The following NCR3LG1 variants were observed in gnomAD, a reference collection of about 807,000 sequenced individuals.
NCR3LG1 encodes natural killer cell cytotoxicity receptor 3 ligand 1, also known as natural cytotoxicity triggering receptor 3 ligand 1.
NCR3LG1 carries 35 observed loss-of-function variants against 34.8 expected under a neutral mutation model. The observed-to-expected ratio is 1.01, with a 90% confidence interval of 0.77 to 1.33. The LOEUF (loss-of-function observed/expected upper bound fraction) is 1.33. Among genes scored for constraint, NCR3LG1 ranks in the 40% most tolerant of loss-of-function variants. The pLI is 0.00. For missense variants in NCR3LG1, 452 were observed against 423.3 expected (o/e 1.07, Z -0.60); for synonymous variants, 173 against 163.6 (o/e 1.06, Z -0.44).
In NCR3LG1 at chr11:17,375,046, G is replaced by C. The variant is rs1591689331; in HGVS notation, c.*2534G>C. 6.6e-6 allele frequency: 1 copy of C among 152,208 alleles called. No individual in the cohort carries two copies. The highest frequency in any genetic ancestry group is 1.5e-5 in the Non-Finnish European group (1 of 68,030). 9.4% of individuals were successfully genotyped at this position (152,208 alleles called of 1,614,324 possible). On this transcript the variant is annotated 3_prime_UTR_variant, in exon 5 of 5. Transcript: ENST00000338965. ...TCTGAGCAGTTACAGTAGTGGCCCT[G>C]CTAGTCCCAGAGGCCACCAAGTTAA...
Position 17,376,639 on chromosome 11 carries a change from A to G in NCR3LG1, c.*4127A>G, listed in dbSNP as rs1281774567. On this transcript the variant is annotated 3_prime_UTR_variant, in exon 5 of 5. Transcript: ENST00000338965. ...GGTATGGGAACACTTTCAACTGAGT[A>G]ACTAACTCCTCCCAGGAAAGCATTT... is the stretch of plus-strand genomic sequence containing the variant. 1 of 152,198 alleles carries G rather than the reference A, an allele frequency of 6.6e-6. No individual in the cohort carries two copies. The highest frequency in any genetic ancestry group is 2.4e-5 in the African/African-American group (1 of 41,444). 9.4% of individuals were successfully genotyped at this position (152,198 alleles called of 1,614,324 possible). A position where few individuals can be genotyped will look rare whatever the true frequency, so the allele number is the denominator to read the frequency against.
At chr11:17,359,972 G>C (rs1953252450) in intron 2 of NCR3LG1, among the ~76,000 whole-genome samples, 1 of 152,114 alleles carries the variant, frequency 6.6e-6, no homozygotes. Flanking sequence ...CTGGAGTGCA[G>C]TGGTGTGATT....
intron 2 of NCR3LG1, among the ~76,000 whole-genome samples, chr11:17,364,761 G>C (rs576235620): frequency 6.6e-6 from 1 of 151,948 alleles, no homozygotes; most frequent in South Asian, 2.1e-4. Context: ...GGTCAGGCTG[G>C]TCTCGAACTC....
chr11:17,367,241 T>G lies in NCR3LG1; in HGVS notation c.654T>G (p.Ser218=). The G allele has an allele frequency of 6.5e-7, 1 of 1,536,298 alleles. No homozygotes were observed. The highest frequency in any genetic ancestry group is 8.7e-7 in the Non-Finnish European group (1 of 1,146,942). The change falls in exon 3 of 5, where the codon TCT becomes TCG. Residue 218 remains serine, a synonymous_variant. Transcript: ENST00000338965. ...CTAGCTGCTTGAAGCTGAACTCCTC[T>G]CAGGAAGACCCTGGGACTGTCTACC... The part of the protein sequence containing the change: ...NVTSCLKLNS[S]QEDPGTVYQC...
intron 2 of NCR3LG1, among the ~76,000 whole-genome samples, chr11:17,363,092 AT>A (rs71457873): frequency 0.41 from 56,239 of 135,610 alleles, 11,801 homozygotes; most frequent in African/African-American, 0.55. Flanking sequence ...TGCTAATTTA[AT>A]TTTTTTTTTT....
chr11:17,381,350 C>T (rs1403218950), downstream of NCR3LG1: 1 of 152,628 alleles, frequency 6.6e-6, no homozygotes, highest in Non-Finnish European at 1.5e-5. Flanking sequence ...CAAGGTTTCT[C>T]AGAGAATGCG....
intron 2 of NCR3LG1, among the ~76,000 whole-genome samples, chr11:17,361,333 G>A (rs1953267259): frequency 6.6e-6 from 1 of 151,210 alleles, no homozygotes; most frequent in Non-Finnish European, 1.5e-5. Flanking sequence ...TGTTGCCCAG[G>A]CTGGAGTGCA....
At position 17,351,917 on chromosome 11, in the gene NCR3LG1, C is replaced by A. The variant is rs72865007; in HGVS notation, c.-53C>A. On this transcript the variant is annotated 5_prime_UTR_variant, in exon 1 of 5. Transcript: ENST00000338965. ...GTCTCCCCCTGCCCTTGGTTTCTAC[C>A]GGGCCGCCTGCTCCCACTCGGCGAA... The A allele has an allele frequency of 0.058, 81,708 of 1,406,990 alleles. 3,070 individuals are homozygous for A. The highest frequency in any genetic ancestry group is 0.16 in the Admixed American group (8,032 of 50,638). 87.2% of individuals were successfully genotyped at this position (1,406,990 alleles called of 1,614,324 possible).
Position 17,372,471 on chromosome 11 carries a change from C to A in NCR3LG1, c.1324C>A (p.Leu442Ile). 1 of 702,752 alleles carries A rather than the reference C, an allele frequency of 1.4e-6. No homozygotes were observed. 43.5% of individuals were successfully genotyped at this position (702,752 alleles called of 1,614,324 possible). Reference sequence around the variant, plus strand: ...AGCCACAACATCAACAACTCCAGTTCTATCCTCCCAACCCCCAACTTTACT... The same window carrying A: ...AGCCACAACATCAACAACTCCAGTTATATCCTCCCAACCCCCAACTTTACT... ...PPATTSTTPV[L>I]SSQPPTLLLP... is the part of the protein sequence containing the mutation. Residue 442 changes from leucine (L) to isoleucine (I), a missense_variant, in exon 5 of 5, where the codon CTA (leucine) becomes ATA (isoleucine). Physicochemically the swap from Leu to Ile is conservative, Grantham distance 5 (BLOSUM62 2). Transcript: ENST00000338965.
At position 17,359,404 on chromosome 11, in the gene NCR3LG1, C is replaced by T. The variant is rs11024266; in HGVS notation, c.421+2403C>T. Among the ~76,000 whole-genome samples the T allele has an allele frequency of 8.0e-3, 1,224 of 152,268 alleles. 15 individuals are homozygous for T. The highest frequency in any genetic ancestry group is 0.028 in the African/African-American group (1,167 of 41,548). On this transcript the variant is annotated intron_variant, in intron 2 of 4. Transcript: ENST00000338965. ...AACTCCCACTCCAACAGTGAGAAACCTGTACCCACCATCCTCTGTTTATTG... is the reference window on the plus strand; with the variant it reads ...AACTCCCACTCCAACAGTGAGAAACTTGTACCCACCATCCTCTGTTTATTG...
At chr11:17,367,899 A>G (rs1338144083) in intron 3 of NCR3LG1, among the ~76,000 whole-genome samples, 1 of 150,078 alleles carries the variant, frequency 6.7e-6, no homozygotes, top group Admixed American at 6.6e-5. Flanking sequence ...GCTCACCACA[A>G]CCTCTACCTC....
At chr11:17,381,286 T>A (rs1953511995), downstream of NCR3LG1, 1 of 152,326 alleles carries the variant, frequency 6.6e-6, no homozygotes, top group African/African-American at 2.4e-5. Context: ...TTATTTGAGA[T>A]GGGGAACCGA....
chr11:17,359,465 C>G (rs903176488), intron 2 of NCR3LG1, among the ~76,000 whole-genome samples: 2 of 149,940 alleles, frequency 1.3e-5, no homozygotes, highest in African/African-American at 4.9e-5. Context: ...TAAGAAACAA[C>G]TTTATCTACT....
At chr11:17,380,211 C>T (rs183519747), downstream of NCR3LG1, among the ~76,000 whole-genome samples, 6 of 152,308 alleles carry the variant, frequency 3.9e-5, no homozygotes, top group East Asian at 1.2e-3. Context: ...AGTTCCCAAC[C>T]TGAGCCACTG....
chr11:17,354,409 T>C (rs1248923372), intron 1 of NCR3LG1, among the ~76,000 whole-genome samples: 2 of 152,272 alleles, frequency 1.3e-5, no homozygotes, highest in Non-Finnish European at 2.9e-5. Flanking sequence ...TTTCCCAAAT[T>C]TGCCTTCTAA....
chr11:17,366,944 CATAAGGTGTGGTGGGGAT>C, intron 2 of NCR3LG1, 47 bp from the exon 3 acceptor site: 1 of 1,200,448 alleles, frequency 8.3e-7, no homozygotes, highest in Non-Finnish European at 1.2e-6. Context: ...AGCCAGTTAG[CATAAGGTGTGGTGGGGAT>C]AAAAGGGTGC....
Position 17,367,329 on chromosome 11 carries a change from G to T in NCR3LG1, c.742G>T (p.Ala248Ser). The change falls in exon 3 of 5, where the codon GCT becomes TCT. Residue 248 changes from alanine (A) to serine (S), a missense_variant. Coordinates refer to ENST00000338965, the MANE Select transcript of NCR3LG1 (RefSeq NM_001202439.3). ...PLRSNFTLTA[A>S]RHSLSETEKT... ...GAGGAGCAACTTTACCCTGACTGCT[G>T]CTCGGCACAGTCTTTCTGGTAAGGG... The T allele has an allele frequency of 1.3e-6, 2 of 1,533,942 alleles. No homozygotes were observed. Among genetic ancestry groups the T allele is most frequent in the East Asian group, 2.4e-5 (1 of 40,872 alleles).
chr11:17,354,993 C>T (rs374626895), intron 1 of NCR3LG1, among the ~76,000 whole-genome samples: 2 of 152,152 alleles, frequency 1.3e-5, no homozygotes, highest in South Asian at 4.1e-4. Flanking sequence ...AGTCTGACTT[C>T]TTTGGAGTTG....
intron 2 of NCR3LG1, among the ~76,000 whole-genome samples, chr11:17,366,454 G>C (rs1261527857): frequency 3.3e-5 from 5 of 152,090 alleles, no homozygotes; most frequent in African/African-American, 4.8e-5. Flanking sequence ...ACCTGCAGTG[G>C]AGGTTGGGTG....
Sources: gnomAD v4.1 joint callset for allele counts (sites outside exome capture counted in the v4.1 genomes callset) on GRCh38, gnomAD v4.1.1 for gene constraint, MANE v1.5 for transcripts, NCBI Gene and HGNC (gene_info 2026-07-23, HGNC 2026-07-21) for gene names.